SDAD1: variants seen among roughly 807,000 people sequenced by gnomAD.
The protein encoded by SDAD1 is protein SDA1 homolog.
Under a neutral mutation model 100.3 loss-of-function variants are expected in SDAD1, and 79 were observed. The ratio of observed to expected loss-of-function variants is 0.79; its 90% CI spans 0.66 to 0.95. The LOEUF is 0.95. Ranked by LOEUF, SDAD1 falls within the 40% of genes least tolerant of loss-of-function variation. The pLI is 0.00. For missense variants in SDAD1, 790 were observed against 810.9 expected (o/e 0.97, Z 0.31); for synonymous variants, 267 against 271.4 (o/e 0.98, Z 0.16).
chr4:75,969,118 G>A (rs1355054966), intron 11 of SDAD1, among the ~76,000 whole-genome samples, 178 bp downstream of exon 11: 1 of 150,530 alleles, frequency 6.6e-6, no homozygotes, highest in East Asian at 1.9e-4. Context: ...CCACATTACT[G>A]CAAAGAAAAT....
intron 3 of SDAD1, among the ~76,000 whole-genome samples, chr4:75,979,811 T>C (rs1007652886): frequency 3.3e-5 from 5 of 151,946 alleles, no homozygotes; most frequent in Non-Finnish European, 7.4e-5. Flanking sequence ...TATAAAGAAA[T>C]ATACATACAC....
chr4:75,965,498 T>C (rs1729484851), intron 13 of SDAD1, among the ~76,000 whole-genome samples: 1 of 152,126 alleles, frequency 6.6e-6, no homozygotes, highest in Non-Finnish European at 1.5e-5. Flanking sequence ...CCCTCCCCTT[T>C]CGAAAATCAC....
At chr4:75,974,542 C>A (rs1053643084) in intron 6 of SDAD1, among the ~76,000 whole-genome samples, 17 of 151,644 alleles carry the variant, frequency 1.1e-4, no homozygotes, top group Non-Finnish European at 2.4e-4. Flanking sequence ...ATAGTGAAAC[C>A]CCATCTCTAC....
intron 21 of SDAD1, among the ~76,000 whole-genome samples, chr4:75,954,926 AC>A (rs1421132168): frequency 6.6e-6 from 1 of 152,166 alleles, no homozygotes. Context: ...TTATCTTGCC[AC>A]GGCTCTTGTA....
At chr4:75,968,158 A>T (rs1473726711) in intron 11 of SDAD1, among the ~76,000 whole-genome samples, 1 of 152,132 alleles carries the variant, frequency 6.6e-6, no homozygotes, top group Non-Finnish European at 1.5e-5. Context: ...TAAATCACAA[A>T]TCACTTTTTC....
At chr4:75,960,270 T>G in intron 16 of SDAD1, 78 bp from the exon 17 acceptor site, 1 of 1,260,466 alleles carries the variant, frequency 7.9e-7, no homozygotes, top group Middle Eastern at 2.3e-4. Context: ...TCTGAAATTA[T>G]GAATTTATTT....
In SDAD1 at chr4:75,965,785, A is replaced by C; in HGVS notation, c.1083T>G (p.Ser361=). 7 of 1,613,848 alleles carry C rather than the reference A, an allele frequency of 4.3e-6. No homozygotes were observed. The highest frequency in any genetic ancestry group is 5.9e-6 in the Non-Finnish European group (7 of 1,179,822). Residue 361 remains serine (S), a synonymous_variant, in exon 13 of 22, where the codon TCT becomes TCG. Coordinates refer to ENST00000356260, the MANE Select transcript of SDAD1 (RefSeq NM_018115.4). Reference sequence around the variant, plus strand: ...TCACCTCTGGGGGTACTAGGTGATGAGATGCTTGTGCAGCAAACAGAAGGA... The same window carrying C: ...TCACCTCTGGGGGTACTAGGTGATGCGATGCTTGTGCAGCAAACAGAAGGA... ...TKILLFAAQA[S]HHLVPPEIIQ...
chr4:75,964,951 C>T (rs1305928295), intron 13 of SDAD1, among the ~76,000 whole-genome samples: 1 of 152,006 alleles, frequency 6.6e-6, no homozygotes, highest in African/African-American at 2.4e-5. Context: ...GTGTTAACTG[C>T]ACAAATTGTT....
In SDAD1 at chr4:75,985,541, G is replaced by C. The variant is rs141094174; in HGVS notation, c.91-3504C>G. Among the ~76,000 whole-genome samples, 234 of 152,282 alleles carry C rather than the reference G, an allele frequency of 1.5e-3. 1 individual carries two copies. The highest frequency in any genetic ancestry group is 5.6e-3 in the African/African-American group (234 of 41,552). On this transcript the variant is annotated intron_variant, in intron 1 of 21. Coordinates refer to ENST00000356260, the MANE Select transcript of SDAD1 (RefSeq NM_018115.4). The stretch of plus-strand genomic sequence containing the variant: ...TCCTTGTAGTCATCTAAAGACTAGA[G>C]TTATCCTCACATTCCTTCAACATTT...
chr4:75,959,097 C>CAAAAAAAAAAAAAA (rs61245198), intron 17 of SDAD1, among the ~76,000 whole-genome samples: 4 of 54,984 alleles, frequency 7.3e-5, no homozygotes, highest in East Asian at 5.5e-4. Context: ...GACTCTGTCT[C>CAAAAAAAAAAAAAA]AAAAAAAAAA....
chr4:75,984,602 T>C (rs1329701310), intron 1 of SDAD1, among the ~76,000 whole-genome samples: 1 of 152,212 alleles, frequency 6.6e-6, no homozygotes, highest in Non-Finnish European at 1.5e-5. Context: ...TGTTATGTAC[T>C]AAGCTCCTTA....
intron 1 of SDAD1, 110 bp downstream of exon 1, chr4:75,990,642 C>T: frequency 6.2e-7 from 1 of 1,600,482 alleles, no homozygotes; most frequent in East Asian, 2.2e-5. Flanking sequence ...CTGAACCTAA[C>T]AGAAGAATAG....
At chr4:75,965,647 T>C (rs1729495786) in intron 13 of SDAD1, 117 bp downstream of exon 13, 3 of 814,422 alleles carry the variant, frequency 3.7e-6, no homozygotes, top group African/African-American at 1.7e-5. Flanking sequence ...TGACAAGAAA[T>C]AGAAAAAAAC....
In SDAD1 at chr4:75,974,118, A is replaced by C. The variant is rs201894116; in HGVS notation, c.594T>G (p.Thr198=). Residue 198 remains threonine, a synonymous_variant, in exon 7 of 22, where the codon ACT becomes ACG. Coordinates refer to ENST00000356260, the MANE Select transcript of SDAD1 (RefSeq NM_018115.4). ...YRRNIWNDAK[T]VNVITTACFS... ...AACATGCAGTTGTGATAACATTGAC[A>C]GTTTTTGCATCATTCCTGGGGGAAG... The C allele has an allele frequency of 4.3e-6, 7 of 1,613,746 alleles. No individual in the cohort carries two copies. Among genetic ancestry groups the C allele is most frequent in the Non-Finnish European group, 5.9e-6 (7 of 1,179,756 alleles).
intron 13 of SDAD1, 91 bp downstream of exon 13, chr4:75,965,673 G>T (rs763442787): frequency 1.0e-6 from 1 of 975,938 alleles, no homozygotes; most frequent in South Asian, 1.4e-5. Context: ...TTGAATTATC[G>T]GGGGCAGGTT....
Position 75,950,740 on chromosome 4 carries a change from T to C in SDAD1, c.*10A>G. On this transcript the variant is annotated 3_prime_UTR_variant, in exon 22 of 22. Transcript: ENST00000356260. Reference sequence around the variant, plus strand: ...AGCATTCTTCTAGGAATGGAAAACTTGCCAGGAAGTTACTTCATTCTTTTT... The same window carrying C: ...AGCATTCTTCTAGGAATGGAAAACTCGCCAGGAAGTTACTTCATTCTTTTT... The C allele has an allele frequency of 6.3e-7, 1 of 1,577,998 alleles. No homozygotes were observed. Among genetic ancestry groups the C allele is most frequent in the Non-Finnish European group, 8.7e-7 (1 of 1,152,038 alleles).
chr4:75,990,661 C>A, intron 1 of SDAD1, 91 bp downstream of exon 1: 1 of 1,604,310 alleles, frequency 6.2e-7, no homozygotes, highest in African/African-American at 1.3e-5. Flanking sequence ...AGGCGGCGAG[C>A]CTGGATCCCA....
chr4:75,976,393 G>C (rs1730161092), intron 4 of SDAD1, among the ~76,000 whole-genome samples: 1 of 152,126 alleles, frequency 6.6e-6, no homozygotes, highest in African/African-American at 2.4e-5. Context: ...CAACAAAAAG[G>C]AATAAAGTAC....
At chr4:75,981,300 T>TAG in intron 3 of SDAD1, 72 bp downstream of exon 3, 1 of 1,365,902 alleles carries the variant, frequency 7.3e-7, no homozygotes, top group Non-Finnish European at 1.0e-6. Flanking sequence ...TAGAGGCTGT[T>TAG]CTCATTTAAA....
Sources: allele counts gnomAD v4.1 joint callset (sites outside exome capture counted in the v4.1 genomes callset), GRCh38; gene constraint gnomAD v4.1.1; transcripts MANE v1.5; gene names NCBI Gene and HGNC (gene_info 2026-07-23, HGNC 2026-07-21).